Variants in LCP2 observed in about 807,000 individuals in gnomAD.
LCP2 encodes 76 kDa tyrosine phosphoprotein.
LCP2 carries 29 observed loss-of-function variants against 74.5 expected under a neutral mutation model. The ratio of observed to expected loss-of-function variants is 0.39; its 90% CI spans 0.29 to 0.53. LCP2 has a LOEUF of 0.53. Ranked by LOEUF, LCP2 falls within the 20% of genes least tolerant of loss-of-function variation. The probability of loss-of-function intolerance (pLI) is 0.72; values close to 1 mark genes in which losing one functional copy is unlikely to be tolerated. For missense variants in LCP2, 604 were observed against 634.6 expected (o/e 0.95, Z 0.52); for synonymous variants, 228 against 229.5 (o/e 0.99, Z 0.06).
At chr5:170,263,096 T>G (rs1360899057) in intron 10 of LCP2, 104 bp from the exon 11 acceptor site, 4 of 1,342,200 alleles carry the variant, frequency 3.0e-6, no homozygotes, top group Non-Finnish European at 4.2e-6. Context: ...CTCTTGGGGG[T>G]TGATGGGGTT....
Position 170,256,732 on chromosome 5 carries a change from C to T in LCP2, c.1101-157G>A, listed in dbSNP as rs1761559991. ...ATGGGGGCTGGGCACAGGGACAGAA[C>T]ACAGCACACAGGGAATGGAACTACA... On this transcript the variant is annotated intron_variant, in intron 16 of 20. Coordinates refer to ENST00000046794, the MANE Select transcript of LCP2 (RefSeq NM_005565.5). The surrounding 1 kb of genome is among the most constrained non-coding windows in gnomAD (Gnocchi z 4.5). Among the ~76,000 whole-genome samples, 1 of 152,144 alleles carries T rather than the reference C, an allele frequency of 6.6e-6. No homozygotes were observed. The highest frequency in any genetic ancestry group is 2.4e-5 in the African/African-American group (1 of 41,434).
At chr5:170,294,439 G>A (rs1156489044) in intron 1 of LCP2, among the ~76,000 whole-genome samples, 1 of 152,170 alleles carries the variant, frequency 6.6e-6, no homozygotes, top group Admixed American at 6.5e-5. Context: ...GTCCTCAACA[G>A]CATAAATGTT....
rs1343383582 is a variant in LCP2, at chr5:170,272,354, C to A, written c.325-1437G>T. 1.2e-4 allele frequency among the ~76,000 whole-genome samples: 18 copies of A among 152,150 alleles called. 1 individual carries two copies. Among genetic ancestry groups the A allele is most frequent in the Admixed American group, 1.2e-3 (18 of 15,278 alleles). ...AAAGTAAATTAAAATGGAGACCAGG[C>A]CTGAAGAATCCCTGAGCAGACAAAA... On this transcript the variant is annotated intron_variant, in intron 6 of 20. Transcript: ENST00000046794.
At chr5:170,269,464 G>A (rs1369776057) in intron 7 of LCP2, among the ~76,000 whole-genome samples, 2 of 152,192 alleles carry the variant, frequency 1.3e-5, no homozygotes, top group Admixed American at 6.5e-5. Flanking sequence ...TGCTCCACCC[G>A]CACTGGCCAT....
chr5:170,283,415 G>A (rs1314620681), intron 3 of LCP2, among the ~76,000 whole-genome samples: 1 of 152,150 alleles, frequency 6.6e-6, no homozygotes. Context: ...AGCTGAAAGT[G>A]CCTTCTTTAT....
At position 170,292,874 on chromosome 5, in the gene LCP2, G is replaced by C. The variant is rs554214860; in HGVS notation, c.141+436C>G. The stretch of plus-strand genomic sequence containing the variant: ...AGACAGCCATATCACATGTGTGCTT[G>C]ATGCAAAATCAGCTTTATGAATTTG... On this transcript the variant is annotated intron_variant, in intron 2 of 20. Coordinates refer to ENST00000046794, the MANE Select transcript of LCP2 (RefSeq NM_005565.5). Among the ~76,000 whole-genome samples the C allele has an allele frequency of 9.1e-4, 138 of 152,306 alleles. 1 individual carries two copies. Among genetic ancestry groups the C allele is most frequent in the Non-Finnish European group, 1.9e-3 (126 of 68,032 alleles).
At chr5:170,266,714 T>C (rs1761763752) in intron 10 of LCP2, 94 bp downstream of exon 10, 2 of 1,046,462 alleles carry the variant, frequency 1.9e-6, no homozygotes, top group East Asian at 2.4e-5. Context: ...ATTGTGGCCA[T>C]AGTTAAATGA....
intron 3 of LCP2, among the ~76,000 whole-genome samples, chr5:170,281,834 T>C (rs78705465): frequency 0.023 from 3,440 of 152,324 alleles, 62 homozygotes; most frequent in Non-Finnish European, 0.034. Context: ...CATCATCCAA[T>C]ACCTAATTGC....
intron 3 of LCP2, among the ~76,000 whole-genome samples, chr5:170,281,488 G>A (rs372852168): frequency 6.6e-6 from 1 of 152,180 alleles, no homozygotes; most frequent in Non-Finnish European, 1.5e-5. Flanking sequence ...CACTGTGTTA[G>A]CCAGGATGGT....
chr5:170,293,542 T>A (rs570818370), intron 1 of LCP2, among the ~76,000 whole-genome samples, 170 bp from the exon 2 acceptor site: 1 of 152,314 alleles, frequency 6.6e-6, no homozygotes, highest in East Asian at 1.9e-4. Flanking sequence ...AGCCTCGCTT[T>A]CACTACCCCC....
intron 4 of LCP2, 87 bp from the exon 5 acceptor site, chr5:170,275,438 T>TC: frequency 6.9e-7 from 1 of 1,450,972 alleles, no homozygotes; most frequent in Non-Finnish European, 9.7e-7. Flanking sequence ...CGAGAGGGAG[T>TC]CCCCAGTGGA....
intron 3 of LCP2, among the ~76,000 whole-genome samples, chr5:170,281,760 T>C (rs531071271): frequency 6.6e-6 from 1 of 152,284 alleles, no homozygotes; most frequent in South Asian, 2.1e-4. Flanking sequence ...TCAGCTTGAG[T>C]CTTAGGTTTT....
At chr5:170,269,588 G>A (rs1291324378) in intron 7 of LCP2, among the ~76,000 whole-genome samples, 1 of 152,196 alleles carries the variant, frequency 6.6e-6, no homozygotes, top group Non-Finnish European at 1.5e-5. Flanking sequence ...TGGCCAACTT[G>A]TATTTATCCT....
At chr5:170,289,421 G>A (rs1762237868) in intron 2 of LCP2, among the ~76,000 whole-genome samples, 1 of 152,128 alleles carries the variant, frequency 6.6e-6, no homozygotes, top group Non-Finnish European at 1.5e-5. Context: ...CAGAGGCTGG[G>A]GCTAGGGCAT....
chr5:170,275,304 G>C lies in LCP2; in HGVS notation c.286+16C>G, dbSNP rs778583028. 3.7e-6 allele frequency: 6 copies of C among 1,613,940 alleles called. No individual in the cohort carries two copies. The highest frequency in any genetic ancestry group is 5.1e-6 in the Non-Finnish European group (6 of 1,179,818). On this transcript the variant is annotated intron_variant, in intron 5 of 20. Transcript: ENST00000046794. ...CACCTCCTAAAGCAATCACCTCTGA[G>C]CCCTGAGAGCTTTACCTGTCTCTTC...
rs974758005 is a variant in LCP2, at chr5:170,248,639, T to C, written c.*58A>G. ...GTGTTTGTCCATTGACCAAGGCTGA[T>C]TGATCTCGTGTTGGCAACAGAGGCA... On this transcript the variant is annotated 3_prime_UTR_variant, in exon 21 of 21. Coordinates refer to ENST00000046794, the MANE Select transcript of LCP2 (RefSeq NM_005565.5). The C allele has an allele frequency of 1.9e-6, 3 of 1,600,868 alleles. No homozygotes were observed. Among genetic ancestry groups the C allele is most frequent in the Non-Finnish European group, 8.5e-7 (1 of 1,171,322 alleles).
intron 13 of LCP2, 112 bp downstream of exon 13, chr5:170,262,523 C>T: frequency 4.1e-6 from 3 of 725,784 alleles, no homozygotes; most frequent in South Asian, 3.7e-5. Context: ...AAGAAAAGGC[C>T]CACCCTGCCC....
chr5:170,274,230 C>G, intron 6 of LCP2, 71 bp downstream of exon 6: 1 of 1,528,600 alleles, frequency 6.5e-7, no homozygotes, highest in African/African-American at 1.4e-5. Flanking sequence ...TTGGCTCCAT[C>G]CTGGCTCCTT....
chr5:170,278,260 G>A (rs139901397), intron 3 of LCP2, among the ~76,000 whole-genome samples: 1,616 of 141,620 alleles, frequency 0.011, 23 homozygotes, highest in Middle Eastern at 0.021. Flanking sequence ...TGCTAGTGGA[G>A]AGGAAACTTT....
Sources: gnomAD v4.1 joint callset for allele counts (sites outside exome capture counted in the v4.1 genomes callset) on GRCh38, gnomAD v4.1.1 for gene constraint, Gnocchi (gnomAD v3.1) non-coding constraint, MANE v1.5 for transcripts, NCBI Gene and HGNC (gene_info 2026-07-23, HGNC 2026-07-21) for gene names.